APPL2: variants seen among roughly 807,000 people sequenced by gnomAD.
APPL2 encodes the protein DCC-interacting protein 13-beta.
A neutral mutation model predicts 92.7 loss-of-function variants in APPL2; 84 were observed. That is an observed-to-expected ratio of 0.91 (90% confidence interval 0.76 to 1.09). The LOEUF is 1.09. Ranked by LOEUF, APPL2 falls within the 50% of genes least tolerant of loss-of-function variation. APPL2 has a pLI of 0.00. For missense variants in APPL2, 736 were observed against 824.5 expected (o/e 0.89, Z 1.31); for synonymous variants, 291 against 291.0 (o/e 1.00, Z 0.00).
chr12:105,200,893 T>TA (rs1311432502), intron 9 of APPL2, among the ~76,000 whole-genome samples: 7 of 142,584 alleles, frequency 4.9e-5, no homozygotes, highest in African/African-American at 1.8e-4. Context: ...TCTATCTATC[T>TA]ATCTATCTAT....
At chr12:105,199,943 C>T (rs542824707) in intron 9 of APPL2, among the ~76,000 whole-genome samples, 5 of 151,870 alleles carry the variant, frequency 3.3e-5, no homozygotes, top group East Asian at 1.9e-4. Flanking sequence ...CTCAGCCTCT[C>T]GAGTAGCTGG....
At chr12:105,191,437 A>G (rs936962448) in intron 14 of APPL2, among the ~76,000 whole-genome samples, 7 of 152,202 alleles carry the variant, frequency 4.6e-5, no homozygotes, top group Admixed American at 2.0e-4. Flanking sequence ...CTGTGATATA[A>G]TAAGTGGTAA....
intron 17 of APPL2, among the ~76,000 whole-genome samples, chr12:105,188,005 C>G (rs908011627): frequency 1.3e-5 from 2 of 150,964 alleles, no homozygotes; most frequent in Non-Finnish European, 2.9e-5. Flanking sequence ...CTTCCATTTT[C>G]AAGCTCTGAG....
At chr12:105,174,885 G>GGGC (rs951706174) in intron 20 of APPL2, among the ~76,000 whole-genome samples, 22 of 142,716 alleles carry the variant, frequency 1.5e-4, no homozygotes, top group African/African-American at 4.8e-4. Flanking sequence ...GTGGGGGGGG[G>GGGC]GGTGGTGCGG....
At chr12:105,196,632 G>A (rs1346214253) in intron 11 of APPL2, among the ~76,000 whole-genome samples, 1 of 151,902 alleles carries the variant, frequency 6.6e-6, no homozygotes, top group Admixed American at 6.6e-5. Flanking sequence ...GTAGAGACGG[G>A]GTTTCTCCAT....
intron 9 of APPL2, among the ~76,000 whole-genome samples, chr12:105,200,881 T>C (rs928724634): frequency 6.0e-4 from 70 of 116,460 alleles, no homozygotes; most frequent in Non-Finnish European, 1.1e-3. Context: ...TCTATCTATC[T>C]ATCTATCTAT....
At chr12:105,222,107 G>T (rs1890146379) in intron 2 of APPL2, among the ~76,000 whole-genome samples, 1 of 152,216 alleles carries the variant, frequency 6.6e-6, no homozygotes, top group African/African-American at 2.4e-5. Flanking sequence ...AGCCCCTCGA[G>T]ACAGGATGCA....
chr12:105,178,832 A>G (rs1367158386), intron 17 of APPL2, among the ~76,000 whole-genome samples: 1 of 152,206 alleles, frequency 6.6e-6, no homozygotes, highest in East Asian at 1.9e-4. Context: ...GCATGAATTT[A>G]ATTTTTTGAA....
rs183791204 is a variant in APPL2 at position 105,195,623 on chromosome 12, T to C, written c.1057A>G (p.Ile353Val). ...QITTPNGKSGIILQAESRKEN... is the reference protein window; with the variant it reads ...QITTPNGKSGVILQAESRKEN... ...TTTCTGCTCTCAGCCTGGAGGATTA[T>C]TCCCCTGAAACAAAAGTGTCTAAGT... The change falls in exon 12 of 21, where the codon ATA (isoleucine) becomes GTA (valine). Residue 353 changes from isoleucine to valine, a missense_variant. Transcript: ENST00000258530. The C allele has an allele frequency of 9.9e-6, 16 of 1,614,216 alleles. No homozygotes were observed. The Admixed American group carries it at 1.7e-4, about 17-fold the overall frequency.
Position 105,197,856 on chromosome 12 carries a change from A to G in APPL2, c.961T>C (p.Leu321=). The change falls in exon 11 of 21, where the codon TTG becomes CTG. Residue 321 remains leucine (L), a synonymous_variant. Transcript: ENST00000258530. Reference sequence around the variant, plus strand: ...GAGCAGTTGTCCAGGTCCTGGATCAAACCTCCAGCCACGGCTCCCCTGGGC... The same window carrying G: ...GAGCAGTTGTCCAGGTCCTGGATCAGACCTCCAGCCACGGCTCCCCTGGGC... ...CQPRGAVAGG[L]IQDLDNCSVM... is the part of the protein sequence containing the mutation. 6.2e-7 allele frequency: 1 copy of G among 1,614,170 alleles called. No individual in the cohort carries two copies. Among genetic ancestry groups the G allele is most frequent in the Non-Finnish European group, 8.5e-7 (1 of 1,180,040 alleles).
chr12:105,224,942 A>G (rs544598917), intron 2 of APPL2, among the ~76,000 whole-genome samples: 11 of 152,266 alleles, frequency 7.2e-5, no homozygotes, highest in Non-Finnish European at 1.0e-4. Context: ...CTTTACCCCA[A>G]TTTGAGAAAA....
chr12:105,221,181 C>T (rs1890071571), intron 2 of APPL2, among the ~76,000 whole-genome samples: 1 of 152,176 alleles, frequency 6.6e-6, no homozygotes, highest in Admixed American at 6.5e-5. Flanking sequence ...GTGAGGTAGG[C>T]CTGCAAAAAT....
chr12:105,211,218 CAGTT>C lies in APPL2; in HGVS notation c.373+8_373+11del, dbSNP rs755937598. ...TTTTGAAGGTAACTGGCATTGAACT[CAGTT>C]ACTTTACCTGTGAGATCCTTTTCTC... On this transcript the variant is annotated splice_region_variant and intron_variant, in intron 5 of 20. Transcript: ENST00000258530. 1.2e-5 allele frequency: 19 copies of C among 1,587,836 alleles called. No homozygotes were observed. Among genetic ancestry groups the C allele is most frequent in the Admixed American group, 1.7e-5 (1 of 59,674 alleles).
rs776166282 is a variant in APPL2, at chr12:105,176,065, A to G, written c.1830T>C (p.Asn610=). 1 of 1,591,970 alleles carries G rather than the reference A, an allele frequency of 6.3e-7. No homozygotes were observed. The highest frequency in any genetic ancestry group is 1.2e-5 in the South Asian group (1 of 85,852). The change falls in exon 20 of 21, where the codon AAT becomes AAC. Residue 610 remains asparagine (N), a synonymous_variant. Transcript: ENST00000258530. ...GAACCTCAATAATTTCTTTTCCCAA[A>G]TTAATAGCATAACATATCTGCAAAA... The part of the protein sequence containing the change: ...SEGEKICYAI[N]LGKEIIEVQK...
intron 17 of APPL2, among the ~76,000 whole-genome samples, chr12:105,185,024 G>C (rs796854544): frequency 1.3e-5 from 2 of 152,144 alleles, no homozygotes; most frequent in South Asian, 2.1e-4. Context: ...GCTCAGCCCA[G>C]TATGATCTTC....
chr12:105,230,808 C>T (rs1258490720), intron 1 of APPL2, among the ~76,000 whole-genome samples: 2 of 152,210 alleles, frequency 1.3e-5, no homozygotes, highest in Non-Finnish European at 2.9e-5. Context: ...GACTAATGTA[C>T]TGTCTTCAGT....
At chr12:105,222,224 G>C (rs915013270) in intron 2 of APPL2, among the ~76,000 whole-genome samples, 3 of 152,204 alleles carry the variant, frequency 2.0e-5, no homozygotes, top group African/African-American at 7.2e-5. Context: ...AGCGGCAGTG[G>C]GGAAGCACCA....
intron 17 of APPL2, 65 bp from the exon 18 acceptor site, chr12:105,177,327 T>C (rs1885648862): frequency 6.6e-7 from 1 of 1,507,040 alleles, no homozygotes; most frequent in Admixed American, 1.7e-5. Flanking sequence ...TAGAAGAGTT[T>C]GTAGAAGTCC....
At chr12:105,227,281 C>T (rs1167149125) in intron 2 of APPL2, among the ~76,000 whole-genome samples, 1 of 152,074 alleles carries the variant, frequency 6.6e-6, no homozygotes, top group South Asian at 2.1e-4. Context: ...GATTACAGGC[C>T]AGCCCAAAGC....
Sources: gnomAD v4.1 joint callset for allele counts (sites outside exome capture counted in the v4.1 genomes callset) on GRCh38, gnomAD v4.1.1 for gene constraint, MANE v1.5 for transcripts, NCBI Gene and HGNC (gene_info 2026-07-23, HGNC 2026-07-21) for gene names.